KIAA1328: variants seen among roughly 807,000 people sequenced by gnomAD.
KIAA1328 encodes KIAA1328.
Under a neutral mutation model 68.1 loss-of-function variants are expected in KIAA1328, and 52 were observed. The ratio of observed to expected loss-of-function variants is 0.76; its 90% CI spans 0.61 to 0.96. The LOEUF (loss-of-function observed/expected upper bound fraction) is 0.96, where lower values mean the gene tolerates loss of function less well. Among genes scored for constraint, KIAA1328 ranks in the 40% least tolerant of loss-of-function variants. KIAA1328 has a pLI of 0.00. For missense variants in KIAA1328, 641 were observed against 677.6 expected (o/e 0.95, Z 0.60); for synonymous variants, 232 against 239.4 (o/e 0.97, Z 0.28).
chr18:37,097,592 T>G (rs1210321930), intron 7 of KIAA1328, among the ~76,000 whole-genome samples: 1 of 152,226 alleles, frequency 6.6e-6, no homozygotes, highest in Non-Finnish European at 1.5e-5. Context: ...TTAAAGTAGT[T>G]TTTTCCAATT....
At chr18:37,076,457 A>T (rs1483445844) in intron 7 of KIAA1328, among the ~76,000 whole-genome samples, 3 of 151,900 alleles carry the variant, frequency 2.0e-5, no homozygotes, top group South Asian at 2.1e-4. Flanking sequence ...TTCAAAAGCT[A>T]GCAGAAGACT....
At chr18:37,051,940 G>T (rs1377737130) in intron 6 of KIAA1328, among the ~76,000 whole-genome samples, 1 of 152,014 alleles carries the variant, frequency 6.6e-6, no homozygotes, top group Non-Finnish European at 1.5e-5. Context: ...TATTTGGGAG[G>T]CTGAGGCAGG....
intron 6 of KIAA1328, among the ~76,000 whole-genome samples, chr18:37,046,014 G>T (rs748269151): frequency 2.6e-5 from 4 of 152,182 alleles, no homozygotes; most frequent in African/African-American, 9.6e-5. Context: ...ATTGTGTTCA[G>T]ATTTTTCTCG....
At chr18:36,893,435 TTGTGTGTG>T (rs147453972) in intron 5 of KIAA1328, among the ~76,000 whole-genome samples, 1 of 139,616 alleles carries the variant, frequency 7.2e-6, no homozygotes, top group Non-Finnish European at 1.5e-5. Flanking sequence ...ACCTGGCTAT[TTGTGTGTG>T]TGTGTGTGTG....
At chr18:36,997,797 A>G (rs1472976226) in intron 6 of KIAA1328, among the ~76,000 whole-genome samples, 5 of 152,162 alleles carry the variant, frequency 3.3e-5, no homozygotes, top group Non-Finnish European at 7.3e-5. Context: ...AAGTGAGCAG[A>G]GCACAAATTT....
In KIAA1328 at chr18:36,912,234, A is replaced by C. The variant is rs2151074534; in HGVS notation, c.448+26562A>C. ...ACAGTTCTGGAGGTCAGAAATCCAA[A>C]ATCAATCTCAATGGGTTAAAATCAA... On this transcript the variant is annotated intron_variant, in intron 5 of 9. Coordinates refer to ENST00000280020, the MANE Select transcript of KIAA1328 (RefSeq NM_020776.3). Among the ~76,000 whole-genome samples the C allele has an allele frequency of 2.0e-5, 3 of 152,228 alleles. No homozygotes were observed. In the Middle Eastern group the frequency reaches 0.01, roughly 518 times the overall value.
chr18:37,221,314 A>G (rs2060558567), intron 9 of KIAA1328, among the ~76,000 whole-genome samples: 1 of 152,202 alleles, frequency 6.6e-6, no homozygotes, highest in Non-Finnish European at 1.5e-5. Context: ...TTATGTATTC[A>G]TTTATATCAA....
chr18:37,036,283 T>C (rs907567468), intron 6 of KIAA1328, among the ~76,000 whole-genome samples: 3 of 152,228 alleles, frequency 2.0e-5, no homozygotes, highest in African/African-American at 7.2e-5. Context: ...AAGCAGTTTG[T>C]CCTGACCTTC....
intron 4 of KIAA1328, among the ~76,000 whole-genome samples, chr18:36,859,464 A>G (rs2047485907): frequency 6.6e-6 from 1 of 151,892 alleles, no homozygotes. Context: ...CTTAAAAAAA[A>G]TGATCAGTTC....
intron 9 of KIAA1328, among the ~76,000 whole-genome samples, chr18:37,175,423 A>G (rs1296407661): frequency 6.6e-6 from 1 of 152,210 alleles, no homozygotes; most frequent in Non-Finnish European, 1.5e-5. Context: ...TACAGACTTT[A>G]AAAAAGGATT....
chr18:36,954,026 C>G (rs1376201463), intron 5 of KIAA1328, among the ~76,000 whole-genome samples: 1 of 106,984 alleles, frequency 9.3e-6, no homozygotes, highest in Non-Finnish European at 1.9e-5. Context: ...GACGGAGTCT[C>G]GCTCTGTCGC....
At position 36,829,155 on chromosome 18, in the gene KIAA1328, G is replaced by A. The variant is rs1410114306; in HGVS notation, c.17G>A (p.Gly6Asp). 6 of 1,532,826 alleles carry A rather than the reference G, an allele frequency of 3.9e-6. No individual in the cohort carries two copies. The highest frequency in any genetic ancestry group is 2.5e-5 in the East Asian group (1 of 39,418). 95.0% of individuals were successfully genotyped at this position (1,532,826 alleles called of 1,614,324 possible). ...TGTTTCAAGATGGCGGACGTGGCGGGCCCCTCCCGCCCCAGTGCCGCGGCG... is the reference window on the plus strand; with the variant it reads ...TGTTTCAAGATGGCGGACGTGGCGGACCCCTCCCGCCCCAGTGCCGCGGCG... MADVA[G>D]PSRPSAAAFW... Residue 6 changes from glycine (G) to aspartate (D), a missense_variant, in exon 1 of 10, where the codon GGC becomes GAC. Gly to Asp is a moderately conservative substitution (Grantham distance 94, BLOSUM62 -1). Coordinates refer to ENST00000280020, the MANE Select transcript of KIAA1328 (RefSeq NM_020776.3).
intron 6 of KIAA1328, among the ~76,000 whole-genome samples, chr18:37,000,750 A>G (rs1037458060): frequency 6.6e-6 from 1 of 152,102 alleles, no homozygotes; most frequent in African/African-American, 2.4e-5. Flanking sequence ...TCTGGAAACT[A>G]TACAAATACG....
intron 6 of KIAA1328, among the ~76,000 whole-genome samples, chr18:36,979,252 T>C (rs1322595104): frequency 6.6e-6 from 1 of 152,044 alleles, no homozygotes; most frequent in African/African-American, 2.4e-5. Flanking sequence ...CTCTTAAGAC[T>C]TAGAAACCTT....
At chr18:36,968,367 G>A (rs2052030395) in intron 6 of KIAA1328, among the ~76,000 whole-genome samples, 1 of 152,124 alleles carries the variant, frequency 6.6e-6, no homozygotes, top group South Asian at 2.1e-4. Context: ...TTGTGTTCAA[G>A]AGACCCATGT....
intron 9 of KIAA1328, among the ~76,000 whole-genome samples, chr18:37,207,863 G>A (rs2060244928): frequency 6.6e-6 from 1 of 152,212 alleles, no homozygotes; most frequent in African/African-American, 2.4e-5. Context: ...AGGCTGGAGT[G>A]CAATGGCGTG....
At position 36,992,989 on chromosome 18, in the gene KIAA1328, C is replaced by T. The variant is rs2053249565; in HGVS notation, c.576+33554C>T. On this transcript the variant is annotated intron_variant, in intron 6 of 9. Transcript: ENST00000280020. ...GGGTGGAGTGGTGTGCACCTGTAGT[C>T]CCAGCTCCTGGGGAGGCTAAGGTTG... is the stretch of plus-strand genomic sequence containing the variant. Among the ~76,000 whole-genome samples the T allele has an allele frequency of 3.3e-5, 5 of 152,154 alleles. No homozygotes were observed. The South Asian group carries it at 1.0e-3, about 32-fold the overall frequency.
chr18:36,953,383 T>C (rs2051249281), intron 5 of KIAA1328, among the ~76,000 whole-genome samples: 1 of 126,506 alleles, frequency 7.9e-6, no homozygotes, highest in Non-Finnish European at 1.6e-5. Flanking sequence ...TATAGATAGA[T>C]AGATAGATAG....
chr18:36,932,376 C>T (rs1480408957), intron 5 of KIAA1328, among the ~76,000 whole-genome samples: 2 of 152,112 alleles, frequency 1.3e-5, no homozygotes, highest in African/African-American at 2.4e-5. Flanking sequence ...CATGCCACTG[C>T]ACTCAGCTAA....
Sources: gnomAD v4.1 joint callset for allele counts (sites outside exome capture counted in the v4.1 genomes callset) on GRCh38, gnomAD v4.1.1 for gene constraint, MANE v1.5 for transcripts, NCBI Gene and HGNC (gene_info 2026-07-23, HGNC 2026-07-21) for gene names.